PLEKHA7: variants seen among roughly 807,000 people sequenced by gnomAD.
PLEKHA7 encodes the protein pleckstrin homology domain-containing family A member 7.
A neutral mutation model predicts 170.0 loss-of-function variants in PLEKHA7; 104 were observed. That is an observed-to-expected ratio of 0.61 (90% confidence interval 0.52 to 0.72). The LOEUF is 0.72. PLEKHA7 is among the 30% of genes least tolerant of loss of function. PLEKHA7 has a pLI of 0.00. For missense variants in PLEKHA7, 1,615 were observed against 1,671.7 expected, an observed-to-expected ratio of 0.97 and a Z score of 0.59; for synonymous variants, 648 against 660.8, an observed-to-expected ratio of 0.98 and a Z score of 0.30.
At position 16,809,906 on chromosome 11, in the gene PLEKHA7, G is replaced by A. The variant is rs146503279; in HGVS notation, c.2007+3207C>T. 6.2e-3 allele frequency among the ~76,000 whole-genome samples: 942 copies of A among 152,196 alleles called. 7 individuals are homozygous for A. Among genetic ancestry groups the A allele is most frequent in the Non-Finnish European group, 9.9e-3 (673 of 68,004 alleles). ...CGCCCCTAACTCCTTCAATCATTCC[G>A]CACTGTAGCTGTACCAGCTGCTGTT... On this transcript the variant is annotated intron_variant, in intron 13 of 26. Coordinates refer to ENST00000531066, the MANE Select transcript of PLEKHA7 (RefSeq NM_001329630.2).
chr11:16,811,296 T>G (rs1264567710), intron 13 of PLEKHA7, among the ~76,000 whole-genome samples: 1 of 152,220 alleles, frequency 6.6e-6, no homozygotes, highest in Non-Finnish European at 1.5e-5. Context: ...GGTATACCTG[T>G]GTTTTATACT....
At chr11:16,806,633 C>T (rs1042046741) in intron 13 of PLEKHA7, among the ~76,000 whole-genome samples, 6 of 152,210 alleles carry the variant, frequency 3.9e-5, no homozygotes, top group Non-Finnish European at 7.3e-5. Flanking sequence ...CCTACTTCTG[C>T]ATCAATCAAA....
chr11:16,889,282 C>T (rs938108283), intron 3 of PLEKHA7, among the ~76,000 whole-genome samples: 10 of 150,998 alleles, frequency 6.6e-5, no homozygotes, highest in East Asian at 1.9e-4. Context: ...CATCTTTTAC[C>T]GTAATTTTCC....
chr11:16,803,046 G>A lies in PLEKHA7; in HGVS notation c.2083C>T (p.Leu695=), dbSNP rs1017339607. 2.5e-6 allele frequency: 4 copies of A among 1,614,014 alleles called. No individual in the cohort carries two copies. The highest frequency in any genetic ancestry group is 3.4e-6 in the Non-Finnish European group (4 of 1,179,958). Residue 695 remains leucine, a synonymous_variant, in exon 15 of 27, where the codon CTG becomes TTG. Coordinates refer to ENST00000531066, the MANE Select transcript of PLEKHA7 (RefSeq NM_001329630.2). The part of the protein sequence containing the change: ...KIAESDTDVK[L]SIFCEQDRVL... Reference sequence around the variant, plus strand: ...CTGTCTTGTTCACAGAAGATGCTCAGTTTGACCTAAAAGCAAGAACAGGTG... The same window carrying A: ...CTGTCTTGTTCACAGAAGATGCTCAATTTGACCTAAAAGCAAGAACAGGTG...
chr11:16,906,789 G>A (rs12971976), intron 3 of PLEKHA7, among the ~76,000 whole-genome samples: 3 of 133,408 alleles, frequency 2.2e-5, no homozygotes, highest in Admixed American at 7.3e-5. Context: ...GCCGCCCATC[G>A]TCTGGGATGT....
intron 3 of PLEKHA7, among the ~76,000 whole-genome samples, chr11:16,879,389 C>T (rs1044628650): frequency 2.0e-5 from 3 of 152,126 alleles, no homozygotes; most frequent in Non-Finnish European, 4.4e-5. Context: ...TGTGCAGAAC[C>T]GATGTCATTT....
chr11:16,916,313 G>T (rs1858675151), intron 3 of PLEKHA7, among the ~76,000 whole-genome samples: 1 of 152,156 alleles, frequency 6.6e-6, no homozygotes, highest in African/African-American at 2.4e-5. Flanking sequence ...TAGGTTGCCT[G>T]TTCACTCTGA....
intron 4 of PLEKHA7, among the ~76,000 whole-genome samples, chr11:16,868,822 G>T (rs1854602560): frequency 6.6e-6 from 1 of 152,222 alleles, no homozygotes; most frequent in African/African-American, 2.4e-5. Context: ...GGATGTTTCG[G>T]TAGTAGGAAA....
intron 13 of PLEKHA7, among the ~76,000 whole-genome samples, chr11:16,805,488 C>T (rs1848898357): frequency 6.6e-6 from 1 of 151,842 alleles, no homozygotes; most frequent in Non-Finnish European, 1.5e-5. Context: ...TCTCTTGTCC[C>T]TTTTTAAAGT....
chr11:16,862,670 G>T (rs994888326), intron 4 of PLEKHA7, among the ~76,000 whole-genome samples: 1 of 152,144 alleles, frequency 6.6e-6, no homozygotes, highest in Admixed American at 6.5e-5. Flanking sequence ...GGCAATGACT[G>T]CATCCCCAGT....
At chr11:16,855,989 G>T in intron 4 of PLEKHA7, 75 bp from the exon 5 acceptor site, 2 of 1,250,842 alleles carry the variant, frequency 1.6e-6, no homozygotes, top group Non-Finnish European at 1.2e-6. Flanking sequence ...TCAGTTCCAG[G>T]TAGGAATCGG....
chr11:16,907,128 C>T (rs1491000518), intron 3 of PLEKHA7, among the ~76,000 whole-genome samples: 3 of 102,232 alleles, frequency 2.9e-5, no homozygotes, highest in East Asian at 3.0e-4. Context: ...GTCAGCCCCC[C>T]GCCCGGCCAG....
At chr11:16,885,592 GAAGA>G (rs1167183448) in intron 3 of PLEKHA7, among the ~76,000 whole-genome samples, 1 of 105,978 alleles carries the variant, frequency 9.4e-6, no homozygotes, top group East Asian at 2.2e-4. Flanking sequence ...AGAACTAAAG[GAAGA>G]TGACAAAAAT....
intron 26 of PLEKHA7, among the ~76,000 whole-genome samples, chr11:16,782,088 T>C (rs1459256247): frequency 6.7e-6 from 1 of 150,050 alleles, no homozygotes; most frequent in Non-Finnish European, 1.5e-5. Context: ...CACACACACA[T>C]ACACACAGTC....
At chr11:16,822,837 C>T (rs938717174) in intron 10 of PLEKHA7, among the ~76,000 whole-genome samples, 1 of 152,148 alleles carries the variant, frequency 6.6e-6, no homozygotes, top group Non-Finnish European at 1.5e-5. Flanking sequence ...AGGCTGCAAC[C>T]CAGACCAATG....
intron 3 of PLEKHA7, among the ~76,000 whole-genome samples, chr11:16,982,833 GGAGA>G (rs113873924): frequency 2.0e-5 from 3 of 148,838 alleles, no homozygotes; most frequent in South Asian, 2.1e-4. Flanking sequence ...AGAGAGAGAG[GGAGA>G]GAGAGAGAGA....
chr11:16,981,683 G>A (rs1388010664), intron 3 of PLEKHA7, among the ~76,000 whole-genome samples: 1 of 152,178 alleles, frequency 6.6e-6, no homozygotes, highest in African/African-American at 2.4e-5. Flanking sequence ...CTCTTGAGTT[G>A]CAAAGAGAAA....
chr11:16,813,769 G>T (rs1356529389), intron 12 of PLEKHA7, among the ~76,000 whole-genome samples: 1 of 152,232 alleles, frequency 6.6e-6, no homozygotes, highest in Non-Finnish European at 1.5e-5. Flanking sequence ...CATGTCAGGA[G>T]CTACCTGAGG....
intron 3 of PLEKHA7, among the ~76,000 whole-genome samples, chr11:16,896,156 A>G (rs561661526): frequency 1.2e-4 from 19 of 152,286 alleles, no homozygotes; most frequent in African/African-American, 4.3e-4. Flanking sequence ...CCTATATCCA[A>G]CTGTCTATTA....
Sources: gnomAD v4.1 joint callset for allele counts (sites outside exome capture counted in the v4.1 genomes callset) on GRCh38, gnomAD v4.1.1 for gene constraint, MANE v1.5 for transcripts, NCBI Gene and HGNC (gene_info 2026-07-23, HGNC 2026-07-21) for gene names.